Variants in ATAD5 observed in about 807,000 individuals in gnomAD.
The protein encoded by ATAD5 is ATPase family AAA domain containing 5, also known as ATPase family AAA domain-containing protein 5.
Under a neutral mutation model 176.9 loss-of-function variants are expected in ATAD5, and 58 were observed. That is an observed-to-expected ratio of 0.33 (90% CI 0.27 to 0.41). ATAD5 has a LOEUF of 0.41. Among genes scored for constraint, ATAD5 ranks in the 10% least tolerant of loss-of-function variants. The probability of loss-of-function intolerance (pLI) is 1.00; values close to 1 mark genes in which losing one functional copy is unlikely to be tolerated. For missense variants in ATAD5, 1,789 were observed against 2,094.1 expected (o/e 0.85, Z 2.84); for synonymous variants, 640 against 712.6 (o/e 0.90, Z 1.62).
At position 30,894,183 on chromosome 17, in the gene ATAD5, G is replaced by A. The variant is rs1201330056; in HGVS notation, c.5297+33G>A. On this transcript the variant is annotated intron_variant, in intron 21 of 22. Coordinates refer to ENST00000321990, the MANE Select transcript of ATAD5 (RefSeq NM_024857.5). ...TTACTTCCTTTACTTTTTATTTTTT[G>A]GTAATAAATCGTAAAGGGGAAATCA... 2.0e-6 allele frequency: 3 copies of A among 1,467,592 alleles called. No homozygotes were observed. In the South Asian group the frequency reaches 4.3e-5, roughly 21 times the overall value. The allele number at this position is 1,467,592 out of a possible 1,614,324, so 90.9% of individuals were successfully genotyped here. A position where few individuals can be genotyped will look rare whatever the true frequency, so the allele number is the denominator to read the frequency against.
chr17:30,840,122 C>T (rs550307060), intron 3 of ATAD5, among the ~76,000 whole-genome samples: 2 of 146,910 alleles, frequency 1.4e-5, no homozygotes, highest in South Asian at 2.3e-4. Context: ...CACTTGAACT[C>T]GGGAGGCAGA....
Position 30,878,055 on chromosome 17 carries a change from T to A in ATAD5, c.3971T>A (p.Phe1324Tyr). The change falls in exon 17 of 23, where the codon TTC (phenylalanine) becomes TAC (tyrosine). Residue 1324 changes from phenylalanine (F) to tyrosine (Y), a missense_variant. Physicochemically the swap from Phe to Tyr is conservative, Grantham distance 22 (BLOSUM62 3). Coordinates refer to ENST00000321990, the MANE Select transcript of ATAD5 (RefSeq NM_024857.5). ...DAGFLNAIKT[F>Y]MATTKRPVIL... The stretch of plus-strand genomic sequence containing the variant: ...GGGTTTTTGAATGCAATCAAAACAT[T>A]CATGGCAACAACTAAACGACCTGTA... The A allele has an allele frequency of 6.2e-7, 1 of 1,611,946 alleles. No individual in the cohort carries two copies. The highest frequency in any genetic ancestry group is 8.5e-7 in the Non-Finnish European group (1 of 1,178,838).
chr17:30,868,296 T>G (rs768094003), intron 11 of ATAD5, 37 bp from the exon 12 acceptor site: 3 of 1,498,050 alleles, frequency 2.0e-6, no homozygotes, highest in Admixed American at 2.3e-5. Context: ...CATAGCTATA[T>G]TCTGTGAATT....
At chr17:30,863,365 T>C (rs1907758262) in intron 10 of ATAD5, among the ~76,000 whole-genome samples, 1 of 139,394 alleles carries the variant, frequency 7.2e-6, no homozygotes, top group Admixed American at 7.4e-5. Context: ...TCGGCTACTT[T>C]ATGTATTTTT....
chr17:30,855,712 T>C (rs574999876), intron 7 of ATAD5, among the ~76,000 whole-genome samples: 76 of 152,070 alleles, frequency 5.0e-4, no homozygotes, highest in African/African-American at 1.4e-3. Flanking sequence ...AATTAAAATT[T>C]GCTGGGCATG....
chr17:30,856,960 TG>T lies in ATAD5; in HGVS notation c.2642del (p.Cys881PhefsTer5). 6.3e-7 allele frequency: 1 copy of T among 1,582,172 alleles called. No individual in the cohort carries two copies. The highest frequency in any genetic ancestry group is 8.5e-7 in the Non-Finnish European group (1 of 1,171,006). ...VHVQQKDDGC[C>X]LWHLKPPSCP... ...ATTTGTCTATTTTTCTTTAGGGTGT[TG>T]TTTGTGGCATTTGAAACCACCCTCT... On this transcript the variant is annotated frameshift_variant, in exon 8 of 23. Transcript: ENST00000321990. LOFTEE classifies it high-confidence loss of function.
At chr17:30,887,456 C>A in intron 19 of ATAD5, 84 bp downstream of exon 19, 2 of 1,163,362 alleles carry the variant, frequency 1.7e-6, no homozygotes, top group Non-Finnish European at 2.5e-6. Context: ...GTGGCTCATG[C>A]CTGTAATCCC....
At chr17:30,833,928 C>T (rs1245306221) in intron 1 of ATAD5, among the ~76,000 whole-genome samples, 2 of 152,120 alleles carry the variant, frequency 1.3e-5, no homozygotes, top group Non-Finnish European at 2.9e-5. Flanking sequence ...GTGATCCACC[C>T]GCCTTGGCCT....
At chr17:30,883,917 G>C (rs969229880) in intron 18 of ATAD5, among the ~76,000 whole-genome samples, 1 of 151,986 alleles carries the variant, frequency 6.6e-6, no homozygotes, top group Admixed American at 6.6e-5. Context: ...TTACATATAT[G>C]GCTTGGTTTT....
At chr17:30,852,443 T>C (rs1298054179) in intron 6 of ATAD5, among the ~76,000 whole-genome samples, 1 of 152,236 alleles carries the variant, frequency 6.6e-6, no homozygotes, top group African/African-American at 2.4e-5. Context: ...GACGAAGGTC[T>C]AGCATTAAAT....
In ATAD5 at chr17:30,876,470, A is replaced by G; in HGVS notation, c.3704A>G (p.Lys1235Arg). The G allele has an allele frequency of 6.2e-7, 1 of 1,608,994 alleles. No homozygotes were observed. Among genetic ancestry groups the G allele is most frequent in the Non-Finnish European group, 8.5e-7 (1 of 1,176,278 alleles). The change falls in exon 15 of 23, where the codon AAA (lysine) becomes AGA (arginine). Residue 1235 changes from lysine to arginine, a missense_variant. Physicochemically the swap from Lys to Arg is conservative, Grantham distance 26 (BLOSUM62 2). Transcript: ENST00000321990. ...GGACCAAAGCGAGCACTTCCTCCCA[A>G]AACCTTGGCAAATTATTTTAAAGTA... ...SSGPKRALPPKTLANYFKVSP... is the reference protein window; with the variant it reads ...SSGPKRALPPRTLANYFKVSP...
At position 30,895,596 on chromosome 17, in the gene ATAD5, G is replaced by C. The variant is rs190449701; in HGVS notation, c.*683G>C. 4 of 152,030 alleles carry C rather than the reference G, an allele frequency of 2.6e-5. No homozygotes were observed. Among genetic ancestry groups the C allele is most frequent in the East Asian group, 3.9e-4 (2 of 5,170 alleles). The allele number at this position is 152,030 out of a possible 1,614,324, so 9.4% of individuals were successfully genotyped here. On this transcript the variant is annotated 3_prime_UTR_variant, in exon 23 of 23. Transcript: ENST00000321990. ...ATTTTTGTATTTTTAGAAGAGACAG[G>C]GTTTTACCATGTTGGTTAGGCTGGT... is the stretch of plus-strand genomic sequence containing the variant.
intron 18 of ATAD5, among the ~76,000 whole-genome samples, chr17:30,880,420 C>A (rs1908943057): frequency 6.6e-6 from 1 of 151,708 alleles, no homozygotes; most frequent in South Asian, 2.1e-4. Flanking sequence ...ACCAGCCTGA[C>A]CAACATGGTA....
At chr17:30,836,682 C>G (rs1207332291) in intron 2 of ATAD5, among the ~76,000 whole-genome samples, 1 of 152,070 alleles carries the variant, frequency 6.6e-6, no homozygotes, top group Non-Finnish European at 1.5e-5. Context: ...ATTCTCGTGC[C>G]TCAGCCTCCT....
chr17:30,857,661 T>C (rs1013175939), intron 8 of ATAD5, among the ~76,000 whole-genome samples: 8 of 152,286 alleles, frequency 5.3e-5, no homozygotes, highest in African/African-American at 1.9e-4. Context: ...AAGTAGGTCA[T>C]ATAATCTAAT....
intron 6 of ATAD5, 104 bp from the exon 7 acceptor site, chr17:30,855,039 A>ATG: frequency 9.2e-7 from 1 of 1,091,222 alleles, no homozygotes. Flanking sequence ...TATTACAGGC[A>ATG]TGAGCCACCA....
In ATAD5 at chr17:30,893,690, GCCAGAGACAAAGGAAACAAT is replaced by G; in HGVS notation, c.4850_4869del (p.Gly1617GlufsTer8). The G allele has an allele frequency of 1.9e-6, 3 of 1,613,464 alleles. No homozygotes were observed. Among genetic ancestry groups the G allele is most frequent in the Non-Finnish European group, 2.5e-6 (3 of 1,179,758 alleles). ...CAAAACCGGAGACGAAGAAAGCAAA[GCCAGAGACAAAGGAAACAAT>G]CCAGAGACAAAGAAATCTATTCCTT... On this transcript the variant is annotated frameshift_variant, in exon 21 of 23. Coordinates refer to ENST00000321990, the MANE Select transcript of ATAD5 (RefSeq NM_024857.5). LOFTEE classifies it high-confidence loss of function.
At chr17:30,887,707 G>A (rs941723337) in intron 19 of ATAD5, among the ~76,000 whole-genome samples, 5 of 152,204 alleles carry the variant, frequency 3.3e-5, no homozygotes, top group East Asian at 3.9e-4. Flanking sequence ...CTGGCTACCC[G>A]GGAGGCTGAG....
Position 30,887,180 on chromosome 17 carries a change from T to C in ATAD5, c.4078-12T>C. ...CTCAGCAGTTAACCACATTTCTCTC[T>C]CTGTTTTGAAGCTAAATGTTGCCAG... On this transcript the variant is annotated splice_polypyrimidine_tract_variant and intron_variant, in intron 18 of 22. Coordinates refer to ENST00000321990, the MANE Select transcript of ATAD5 (RefSeq NM_024857.5). 1 of 1,560,398 alleles carries C rather than the reference T, an allele frequency of 6.4e-7. No homozygotes were observed. Among genetic ancestry groups the C allele is most frequent in the South Asian group, 1.2e-5 (1 of 82,546 alleles).
Sources: allele counts gnomAD v4.1 joint callset (sites outside exome capture counted in the v4.1 genomes callset), GRCh38; gene constraint gnomAD v4.1.1; transcripts MANE v1.5; gene names NCBI Gene and HGNC (gene_info 2026-07-23, HGNC 2026-07-21).